The following DMXL1 variants were observed in gnomAD, a reference collection of about 807,000 sequenced individuals.
DMXL1 encodes the protein Dmx like 1.
A neutral mutation model predicts 319.2 loss-of-function variants in DMXL1; 99 were observed. That is an observed-to-expected ratio of 0.31 (90% CI 0.26 to 0.37). The LOEUF (loss-of-function observed/expected upper bound fraction) is 0.37. DMXL1 is among the 10% of genes least tolerant of loss of function. The probability of loss-of-function intolerance (pLI) is 1.00; values close to 1 mark genes in which losing one functional copy is unlikely to be tolerated. For synonymous variants in DMXL1, 1,385 were observed against 1,235.2 expected (o/e 1.12, Z -2.54); for missense variants, 3,745 against 3,595.6 (o/e 1.04, Z -1.06).
chr5:119,119,045 C>G, intron 8 of DMXL1, 41 bp downstream of exon 8: 16 of 1,413,224 alleles, frequency 1.1e-5, no homozygotes, highest in Non-Finnish European at 1.4e-5. Context: ...AGTTTTAAAA[C>G]CTTTGGTACA....
rs368316715 is a variant in DMXL1 at position 119,108,181 on chromosome 5, A to G, written c.365-1970A>G. 4.2e-4 allele frequency among the ~76,000 whole-genome samples: 64 copies of G among 152,322 alleles called. 1 individual carries two copies. In the South Asian group the frequency reaches 0.013, roughly 32 times the overall value. ...AGTTTGAGACCAGCCTGGGCAACAT[A>G]GCAAGACCCTGTCTCTTCAAAAAAT... is the stretch of plus-strand genomic sequence containing the variant. On this transcript the variant is annotated intron_variant, in intron 4 of 43. Coordinates refer to ENST00000539542, the MANE Select transcript of DMXL1 (RefSeq NM_001290321.3).
At chr5:119,226,184 C>T (rs886092787) in intron 38 of DMXL1, among the ~76,000 whole-genome samples, 1 of 152,124 alleles carries the variant, frequency 6.6e-6, no homozygotes, top group Non-Finnish European at 1.5e-5. Context: ...GAGATAAATC[C>T]TTTCTCTGTT....
At chr5:119,196,929 A>G (rs1779744450) in intron 31 of DMXL1, among the ~76,000 whole-genome samples, 1 of 152,212 alleles carries the variant, frequency 6.6e-6, no homozygotes, top group Non-Finnish European at 1.5e-5. Flanking sequence ...CACTATCATA[A>G]TGATGGACAG....
At chr5:119,204,152 T>A (rs1781347354) in intron 33 of DMXL1, among the ~76,000 whole-genome samples, 1 of 152,118 alleles carries the variant, frequency 6.6e-6, no homozygotes, top group African/African-American at 2.4e-5. Context: ...TATTTATCTT[T>A]TTTGAGATGG....
At position 119,118,905 on chromosome 5, in the gene DMXL1, A is replaced by G. The variant is rs771511327; in HGVS notation, c.834A>G (p.Leu278=). ...CATTTTTACCAAATGATTGTTTGCT[A>G]TACGGAGGTGACTGCAGCCATTGGA... The part of the protein sequence containing the change: ...VETFLPNDCL[L]YGGDCSHWTE... The change falls in exon 8 of 44, where the codon CTA becomes CTG. Residue 278 remains leucine, a synonymous_variant. Transcript: ENST00000539542. 9 of 1,613,964 alleles carry G rather than the reference A, an allele frequency of 5.6e-6. No homozygotes were observed. Among genetic ancestry groups the G allele is most frequent in the East Asian group, 2.2e-5 (1 of 44,852 alleles).
intron 3 of DMXL1, among the ~76,000 whole-genome samples, chr5:119,102,513 C>T (rs187441557): frequency 2.0e-4 from 30 of 152,126 alleles, no homozygotes; most frequent in Non-Finnish European, 3.4e-4. Context: ...TATAAATATT[C>T]GAATCATGTT....
intron 9 of DMXL1, chr5:119,128,452 C>A: frequency 5.7e-6 from 1 of 176,622 alleles, no homozygotes; most frequent in East Asian, 1.4e-4. Flanking sequence ...CATACCCTCC[C>A]CACTCCATGA....
In DMXL1 at chr5:119,189,782, G is replaced by T. The variant is rs1427527963; in HGVS notation, c.7210G>T (p.Ala2404Ser). 2 of 1,614,006 alleles carry T rather than the reference G, an allele frequency of 1.2e-6. No homozygotes were observed. Among genetic ancestry groups the T allele is most frequent in the African/African-American group, 2.7e-5 (2 of 74,928 alleles). The stretch of plus-strand genomic sequence containing the variant: ...GTCAAAAATGTCTTGCAGAGAATCT[G>T]CCCCACTGACCCCTTCCTCGGCACC... The part of the protein sequence containing the change: ...RPSKMSCRES[A>S]PLTPSSAPVS... The change falls in exon 29 of 44, where the codon GCC becomes TCC. Residue 2404 changes from alanine (A) to serine (S), a missense_variant. By Grantham distance (99) the Ala-to-Ser change is moderately conservative. Around this residue, in one of 4 missense-constraint regions of DMXL1, gnomAD observed 1,382 missense variants for 1,269.5 expected, o/e 1.09. Coordinates refer to ENST00000539542, the MANE Select transcript of DMXL1 (RefSeq NM_001290321.3).
intron 28 of DMXL1, among the ~76,000 whole-genome samples, chr5:119,178,949 A>G (rs1776317957): frequency 6.6e-6 from 1 of 152,204 alleles, no homozygotes; most frequent in African/African-American, 2.4e-5. Context: ...GTGTGTAAAA[A>G]TAAAACACTG....
chr5:119,120,925 A>G, intron 8 of DMXL1, 46 bp from the exon 9 acceptor site: 1 of 1,491,592 alleles, frequency 6.7e-7, no homozygotes, highest in Non-Finnish European at 9.1e-7. Context: ...CTATACGTGT[A>G]TGACTTTTGA....
intron 15 of DMXL1, among the ~76,000 whole-genome samples, chr5:119,146,564 T>C (rs889180303): frequency 1.3e-5 from 2 of 152,026 alleles, no homozygotes; most frequent in Non-Finnish European, 2.9e-5. Flanking sequence ...CTACTTCTTA[T>C]GGTTTAATCT....
chr5:119,189,290 G>A (rs931725420), intron 28 of DMXL1, among the ~76,000 whole-genome samples: 3 of 151,978 alleles, frequency 2.0e-5, no homozygotes, highest in African/African-American at 4.8e-5. Context: ...TAGATATAAG[G>A]CCACATCATT....
intron 13 of DMXL1, among the ~76,000 whole-genome samples, chr5:119,137,812 A>G (rs936919387): frequency 2.0e-5 from 3 of 152,188 alleles, no homozygotes; most frequent in African/African-American, 7.2e-5. Flanking sequence ...AGTCTCAGGT[A>G]TTTATTTATA....
chr5:119,095,924 A>G (rs1755848111), intron 1 of DMXL1, among the ~76,000 whole-genome samples: 2 of 152,078 alleles, frequency 1.3e-5, no homozygotes, highest in South Asian at 4.1e-4. Flanking sequence ...TTTAGGTAAA[A>G]TTCCAGGCAA....
intron 25 of DMXL1, among the ~76,000 whole-genome samples, chr5:119,173,306 C>G (rs1301160469): frequency 6.6e-6 from 1 of 151,208 alleles, no homozygotes; most frequent in African/African-American, 2.4e-5. Flanking sequence ...CACCATTACA[C>G]TCCAACCTGG....
intron 1 of DMXL1, among the ~76,000 whole-genome samples, chr5:119,071,970 G>C (rs1015115849): frequency 1.3e-5 from 2 of 152,072 alleles, no homozygotes; most frequent in African/African-American, 4.8e-5. Context: ...TAACGAGTTG[G>C]GGGCTTTTTT....
intron 18 of DMXL1, 91 bp from the exon 19 acceptor site, chr5:119,151,838 G>A: frequency 1.6e-6 from 1 of 639,812 alleles, no homozygotes; most frequent in Non-Finnish European, 2.7e-6. Context: ...TTTTTTCTTG[G>A]TCAGGTTAAG....
At chr5:119,196,039 C>G (rs1423151770) in intron 30 of DMXL1, among the ~76,000 whole-genome samples, 8 of 151,982 alleles carry the variant, frequency 5.3e-5, no homozygotes, top group Admixed American at 5.3e-4. Flanking sequence ...GTTCTGCTAC[C>G]TGCTTTTTAT....
At chr5:119,172,162 A>G (rs1313147564) in intron 25 of DMXL1, among the ~76,000 whole-genome samples, 193 bp downstream of exon 25, 1 of 152,168 alleles carries the variant, frequency 6.6e-6, no homozygotes, top group Non-Finnish European at 1.5e-5. Context: ...CATGTTACTT[A>G]CACCCGGTAG....
Sources: gnomAD v4.1 joint callset for allele counts (sites outside exome capture counted in the v4.1 genomes callset) on GRCh38, gnomAD v4.1.1 for gene constraint, gnomAD v4.1.1 regional missense constraint, MANE v1.5 for transcripts, NCBI Gene and HGNC (gene_info 2026-07-23, HGNC 2026-07-21) for gene names.